EVI5L: variants seen among roughly 807,000 people sequenced by gnomAD.
The protein encoded by EVI5L is EVI5-like protein.
In EVI5L, 30 loss-of-function variants were observed where a neutral mutation model predicts 106.1. The observed-to-expected ratio is 0.28, with a 90% CI of 0.21 to 0.38. The LOEUF is 0.38. Ranked by LOEUF, EVI5L falls within the 10% of genes least tolerant of loss-of-function variation. The pLI is 1.00. For synonymous variants in EVI5L, 489 were observed against 483.3 expected, an observed-to-expected ratio of 1.01 and a Z score of -0.15; for missense variants, 809 against 1,098.0, an observed-to-expected ratio of 0.74 and a Z score of 3.72.
Position 7,863,448 on chromosome 19 carries a change from C to T in EVI5L, c.2164C>T (p.Pro722Ser). The change falls in exon 20 of 20, where the codon CCC becomes TCC. Residue 722 changes from proline (P) to serine (S), a missense_variant. Physicochemically the swap from Pro to Ser is moderately conservative, Grantham distance 74. This residue lies in a region of EVI5L where 452 missense variants were observed against 509.9 expected (regional missense o/e 0.89). Coordinates refer to ENST00000538904, the MANE Select transcript of EVI5L (RefSeq NM_001159944.3). The surrounding 1 kb of genome is among the most constrained non-coding windows in gnomAD (Gnocchi z 7.7). ...GGTGCGGCTGCTGAAGGGCCCGCCG[C>T]CCTTCGAGGACCCGCTGGCTTTCGA... ...AEVRLLKGPP[P>S]FEDPLAFDGL... 6.4e-7 allele frequency: 1 copy of T among 1,553,838 alleles called. No individual in the cohort carries two copies. The highest frequency in any genetic ancestry group is 8.7e-7 in the Non-Finnish European group (1 of 1,150,334).
At chr19:7,855,743 C>CCAAACACACACACAG (rs1568242043) in intron 10 of EVI5L, among the ~76,000 whole-genome samples, 1 of 152,194 alleles carries the variant, frequency 6.6e-6, no homozygotes, top group East Asian at 1.9e-4. Context: ...TGACTGGCCC[C>CCAAACACACACACAG]CAAACACACA....
At chr19:7,839,648 G>A (rs1685413142) in intron 1 of EVI5L, among the ~76,000 whole-genome samples, 1 of 152,130 alleles carries the variant, frequency 6.6e-6, no homozygotes, top group Admixed American at 6.6e-5. Flanking sequence ...CTTTGGTGGG[G>A]CACGGTGGCT....
At position 7,849,158 on chromosome 19, in the gene EVI5L, G is replaced by A. The variant is rs1014908773; in HGVS notation, c.552+13G>A. Reference sequence around the variant, plus strand: ...CAACGTCATGAAGGTGAGGCCCAGGGCTCCCCGCTCCCTCGGTCCCAAAGG... The same window carrying A: ...CAACGTCATGAAGGTGAGGCCCAGGACTCCCCGCTCCCTCGGTCCCAAAGG... On this transcript the variant is annotated intron_variant, in intron 4 of 19. Coordinates refer to ENST00000538904, the MANE Select transcript of EVI5L (RefSeq NM_001159944.3). The A allele has an allele frequency of 1.9e-6, 3 of 1,611,418 alleles. No homozygotes were observed. Among genetic ancestry groups the A allele is most frequent in the Non-Finnish European group, 2.5e-6 (3 of 1,178,302 alleles).
Position 7,862,388 on chromosome 19 carries a change from G to T in EVI5L, c.1801G>T (p.Asp601Tyr), listed in dbSNP as rs756280135. 1 of 1,602,728 alleles carries T rather than the reference G, an allele frequency of 6.2e-7. No homozygotes were observed. Among genetic ancestry groups the T allele is most frequent in the African/African-American group, 1.3e-5 (1 of 74,706 alleles). Reference sequence around the variant, plus strand: ...CGTCCTCCCTTCCTCCCTATCCCAGGACCACATCCACCGCAACCTTCTGAA... The same window carrying T: ...CGTCCTCCCTTCCTCCCTATCCCAGTACCACATCCACCGCAACCTTCTGAA... ...RQRVVELETQ[D>Y]HIHRNLLNRV... Residue 601 changes from aspartate (D) to tyrosine (Y), a missense_variant and splice_region_variant, in exon 17 of 20, where the codon GAC (aspartate) becomes TAC (tyrosine). This residue lies in a region of EVI5L where 452 missense variants were observed against 509.9 expected (regional missense o/e 0.89). Transcript: ENST00000538904.
rs1979050258 is a variant in EVI5L at position 7,848,152 on chromosome 19, C to T, written c.327+231C>T. On this transcript the variant is annotated intron_variant, in intron 3 of 19. Transcript: ENST00000538904. The surrounding 1 kb of genome is among the most constrained non-coding windows in gnomAD (Gnocchi z 4.8). Reference sequence around the variant, plus strand: ...CCTCGAGTGCCCATGTGCTTGCTGCCCTGTAGTGCCCATGAAGGATGGGGG... The same window carrying T: ...CCTCGAGTGCCCATGTGCTTGCTGCTCTGTAGTGCCCATGAAGGATGGGGG... Among the ~76,000 whole-genome samples, 1 of 152,052 alleles carries T rather than the reference C, an allele frequency of 6.6e-6. No individual in the cohort carries two copies. Among genetic ancestry groups the T allele is most frequent in the Admixed American group, 6.5e-5 (1 of 15,278 alleles).
At chr19:7,860,757 C>T in intron 14 of EVI5L, 68 bp downstream of exon 14, 1 of 1,466,978 alleles carries the variant, frequency 6.8e-7, no homozygotes, top group East Asian at 2.6e-5. Flanking sequence ...CCTGGATAAG[C>T]TTTGGGAGTG....
At chr19:7,855,002 C>T (rs904885017) in intron 10 of EVI5L, among the ~76,000 whole-genome samples, 1 of 152,208 alleles carries the variant, frequency 6.6e-6, no homozygotes, top group Non-Finnish European at 1.5e-5. Context: ...AATTTCTGTA[C>T]CACCTTAGTA....
rs372104178 is a variant in EVI5L at position 7,848,989 on chromosome 19, G to A, written c.396G>A (p.Thr132=). The A allele has an allele frequency of 7.4e-6, 12 of 1,613,434 alleles. No homozygotes were observed. The highest frequency in any genetic ancestry group is 5.5e-5 in the South Asian group (5 of 91,084). ...TGTGGCAGCTTCTGTGCAGCGCCAC[G>A]GACATGCCCGTCAAGAACCAGTACT... ...AIVWQLLCSA[T]DMPVKNQYSE... The change falls in exon 4 of 20, where the codon ACG becomes ACA. Residue 132 remains threonine, a synonymous_variant. Coordinates refer to ENST00000538904, the MANE Select transcript of EVI5L (RefSeq NM_001159944.3). The surrounding 1 kb of genome is among the most constrained non-coding windows in gnomAD (Gnocchi z 4.8).
chr19:7,847,812 C>G lies in EVI5L; in HGVS notation c.218C>G (p.Ser73Cys). 6.2e-7 allele frequency: 1 copy of G among 1,612,374 alleles called. No individual in the cohort carries two copies. Reference sequence around the variant, plus strand: ...AGTGGCTCCTCGCTAGTGTCCAGCTCCTCGGCCTCCTCCAACCTGAGCCAC... The same window carrying G: ...AGTGGCTCCTCGCTAGTGTCCAGCTGCTCGGCCTCCTCCAACCTGAGCCAC... ...RNSGSSLVSS[S>C]SASSNLSHLE... Residue 73 changes from serine (S) to cysteine (C), a missense_variant, in exon 3 of 20, where the codon TCC becomes TGC. Ser to Cys is a moderately radical substitution (Grantham distance 112). Transcript: ENST00000538904.
At position 7,863,964 on chromosome 19, in the gene EVI5L, T is replaced by A. The variant is rs1433673356; in HGVS notation, c.*262T>A. The A allele has an allele frequency of 2.2e-6, 1 of 449,446 alleles. No individual in the cohort carries two copies. Among genetic ancestry groups the A allele is most frequent in the Non-Finnish European group, 3.9e-6 (1 of 259,024 alleles). The allele number at this position is 449,446 out of a possible 1,614,324, so 27.8% of individuals were successfully genotyped here. A position where few individuals can be genotyped will look rare whatever the true frequency, so the allele number is the denominator to read the frequency against. On this transcript the variant is annotated 3_prime_UTR_variant, in exon 20 of 20. Transcript: ENST00000538904. The surrounding 1 kb of genome is among the most constrained non-coding windows in gnomAD (Gnocchi z 7.7). ...TCCGGGCCCTCTGGCGTTCCAGGGG[T>A]GCCTGGAGGGGCTGACTGCTCTCTT...
rs917741594 is a variant in EVI5L, at chr19:7,848,017, A to C, written c.327+96A>C. On this transcript the variant is annotated intron_variant, in intron 3 of 19. Transcript: ENST00000538904. The surrounding 1 kb of genome is among the most constrained non-coding windows in gnomAD (Gnocchi z 4.8). ...GCAGCGCCAGGGTCTGCGGGGCCCCAGCCTGGGCACAGCGGCAGCAGTGGA... is the reference window on the plus strand; with the variant it reads ...GCAGCGCCAGGGTCTGCGGGGCCCCCGCCTGGGCACAGCGGCAGCAGTGGA... The C allele has an allele frequency of 7.5e-7, 1 of 1,340,636 alleles. No individual in the cohort carries two copies. Among genetic ancestry groups the C allele is most frequent in the African/African-American group, 1.5e-5 (1 of 67,868 alleles). 83.0% of individuals were successfully genotyped at this position (1,340,636 alleles called of 1,614,324 possible).
chr19:7,843,185 ATGT>A (rs1978740161), intron 1 of EVI5L, among the ~76,000 whole-genome samples: 1 of 101,238 alleles, frequency 9.9e-6, no homozygotes, highest in South Asian at 3.3e-4. Context: ...GAGTATGTGC[ATGT>A]GTGTGTATAG....
rs1416948417 is a variant in EVI5L at position 7,863,620 on chromosome 19, G to A, written c.2336G>A (p.Arg779Gln). Reference protein sequence around the residue: ...RDARFFRRLERPAKDSEGSSD... With the variant: ...RDARFFRRLEQPAKDSEGSSD... Reference sequence around the variant, plus strand: ...GCGCGCTTCTTCCGCCGTCTGGAGCGGCCGGCCAAGGACAGCGAGGGCAGC... The same window carrying A: ...GCGCGCTTCTTCCGCCGTCTGGAGCAGCCGGCCAAGGACAGCGAGGGCAGC... Residue 779 changes from arginine (R) to glutamine (Q), a missense_variant, in exon 20 of 20, where the codon CGG becomes CAG. Arg to Gln is a conservative substitution (Grantham distance 43). Transcript: ENST00000538904. The surrounding 1 kb of genome is among the most constrained non-coding windows in gnomAD (Gnocchi z 7.7). 2 of 1,558,022 alleles carry A rather than the reference G, an allele frequency of 1.3e-6. No individual in the cohort carries two copies. The highest frequency in any genetic ancestry group is 1.4e-5 in the African/African-American group (1 of 73,396).
At position 7,857,458 on chromosome 19, in the gene EVI5L, T is replaced by C; in HGVS notation, c.1233+334T>C. On this transcript the variant is annotated intron_variant, in intron 12 of 19. Coordinates refer to ENST00000538904, the MANE Select transcript of EVI5L (RefSeq NM_001159944.3). This position sits in a 1 kb window ranked among gnomAD's most constrained non-coding sequence, Gnocchi z 4.5. ...CATATTCACATAAGGCCCTGGTGTG[T>C]GCAGTGCTGCGGTCACACACACACA... 2.0e-6 allele frequency: 1 copy of C among 508,788 alleles called. No individual in the cohort carries two copies. The highest frequency in any genetic ancestry group is 3.6e-6 in the Non-Finnish European group (1 of 278,382). The allele number at this position is 508,788 out of a possible 1,614,324, so 31.5% of individuals were successfully genotyped here. A position where few individuals can be genotyped will look rare whatever the true frequency, so the allele number is the denominator to read the frequency against.
chr19:7,835,051 C>G lies in EVI5L; in HGVS notation c.-48+4670C>G, dbSNP rs142316724. On this transcript the variant is annotated intron_variant, in intron 1 of 19. Transcript: ENST00000538904. The surrounding 1 kb of genome is among the most constrained non-coding windows in gnomAD (Gnocchi z 4.1). ...ACTTGGGAGGCTGAGGCAGGAGAAT[C>G]ACTTGAGCTCAGGAGTTGGAGCCTG... 0.014 allele frequency among the ~76,000 whole-genome samples: 2,078 copies of G among 151,608 alleles called. 37 individuals are homozygous for G. The highest frequency in any genetic ancestry group is 0.048 in the African/African-American group (1,995 of 41,338).
At chr19:7,842,410 G>C (rs1356044536) in intron 1 of EVI5L, among the ~76,000 whole-genome samples, 3 of 114,368 alleles carry the variant, frequency 2.6e-5, no homozygotes, top group Non-Finnish European at 5.7e-5. Flanking sequence ...GAGTGTGTGT[G>C]TATCAAGTGT....
chr19:7,837,542 A>T (rs1978393752), intron 1 of EVI5L, among the ~76,000 whole-genome samples: 1 of 151,786 alleles, frequency 6.6e-6, no homozygotes, highest in African/African-American at 2.4e-5. Flanking sequence ...TTTCATTCAG[A>T]TTTCCTTTGT....
chr19:7,855,115 T>C (rs1461657713), intron 10 of EVI5L, among the ~76,000 whole-genome samples: 1 of 136,784 alleles, frequency 7.3e-6, no homozygotes, highest in African/African-American at 2.8e-5. Flanking sequence ...TATCTTTTTC[T>C]TTTTTTTTTT....
At position 7,848,992 on chromosome 19, in the gene EVI5L, C is replaced by T. The variant is rs1979099247; in HGVS notation, c.399C>T (p.Asp133=). ...GGCAGCTTCTGTGCAGCGCCACGGA[C>T]ATGCCCGTCAAGAACCAGTACTCCG... ...IVWQLLCSAT[D]MPVKNQYSEL... Residue 133 remains aspartate (D), a synonymous_variant, in exon 4 of 20, where the codon GAC becomes GAT. Coordinates refer to ENST00000538904, the MANE Select transcript of EVI5L (RefSeq NM_001159944.3). This position sits in a 1 kb window ranked among gnomAD's most constrained non-coding sequence, Gnocchi z 4.8. The T allele has an allele frequency of 6.2e-7, 1 of 1,613,616 alleles. No individual in the cohort carries two copies. Among genetic ancestry groups the T allele is most frequent in the Middle Eastern group, 1.6e-4 (1 of 6,062 alleles).
Sources: gnomAD v4.1 joint callset for allele counts (sites outside exome capture counted in the v4.1 genomes callset) on GRCh38, gnomAD v4.1.1 for gene constraint, gnomAD v4.1.1 regional missense constraint, Gnocchi (gnomAD v3.1) non-coding constraint, MANE v1.5 for transcripts, NCBI Gene and HGNC (gene_info 2026-07-23, HGNC 2026-07-21) for gene names.